Variants in KCNMB2 observed in about 807,000 individuals in gnomAD.
KCNMB2 encodes the protein calcium-activated potassium channel subunit beta-2.
A neutral mutation model predicts 24.5 loss-of-function variants in KCNMB2; 9 were observed. The observed-to-expected ratio is 0.37, with a 90% CI of 0.22 to 0.64. KCNMB2 has a LOEUF of 0.64. KCNMB2 is among the 30% of genes least tolerant of loss of function. KCNMB2 has a pLI of 0.63. For missense variants in KCNMB2, 226 were observed against 284.3 expected, an observed-to-expected ratio of 0.79 and a Z score of 1.47; for synonymous variants, 109 against 104.4, an observed-to-expected ratio of 1.04 and a Z score of -0.27.
In KCNMB2 at chr3:178,596,345, T is replaced by A. The variant is rs139666311; in HGVS notation, c.-68+59634T>A. Among the ~76,000 whole-genome samples the A allele has an allele frequency of 1.8e-3, 274 of 152,262 alleles. 2 individuals are homozygous for A. The highest frequency in any genetic ancestry group is 1.7e-3 in the South Asian group (8 of 4,822). ...TGGCCTTTGCTCATGTTATCTAAGC[T>A]GGACAACAATCATATTAGAAAGGCA... On this transcript the variant is annotated intron_variant, in intron 1 of 4. Transcript: ENST00000452583.
Position 178,742,315 on chromosome 3 carries a change from C to G in KCNMB2, c.-67-65028C>G, listed in dbSNP as rs142321441. On this transcript the variant is annotated intron_variant, in intron 1 of 4. Transcript: ENST00000452583. ...GGGCTTTGTTTAAACGTGTTCTACA[C>G]CTGCACACCTATGTCTTTGCTCTAG... 3.0e-4 allele frequency among the ~76,000 whole-genome samples: 46 copies of G among 152,310 alleles called. No individual in the cohort carries two copies. In the East Asian group the frequency reaches 7.1e-3, roughly 24 times the overall value.
At chr3:178,796,248 A>T (rs977336019) in intron 1 of KCNMB2, among the ~76,000 whole-genome samples, 4 of 152,206 alleles carry the variant, frequency 2.6e-5, no homozygotes, top group Non-Finnish European at 4.4e-5. Context: ...CCAACACTGG[A>T]GCCCCTAGAT....
chr3:178,711,986 G>A (rs978757356), intron 1 of KCNMB2, among the ~76,000 whole-genome samples: 1 of 152,172 alleles, frequency 6.6e-6, no homozygotes, highest in Admixed American at 6.5e-5. Context: ...GGCTCCCTCA[G>A]TTCCATCCTC....
chr3:178,735,170 G>T (rs1161121992), intron 1 of KCNMB2, among the ~76,000 whole-genome samples: 4 of 152,222 alleles, frequency 2.6e-5, no homozygotes, highest in African/African-American at 9.6e-5. Context: ...AAGTAAGATA[G>T]CCAGAGAGTG....
intron 1 of KCNMB2, among the ~76,000 whole-genome samples, chr3:178,752,201 T>C (rs568722357): frequency 2.4e-4 from 36 of 152,232 alleles, no homozygotes; most frequent in Non-Finnish European, 4.4e-4. Context: ...GATCTCATAA[T>C]ATAAAACAAA....
chr3:178,838,821 A>C (rs1017098736), intron 4 of KCNMB2, among the ~76,000 whole-genome samples: 6 of 152,328 alleles, frequency 3.9e-5, no homozygotes, highest in African/African-American at 1.2e-4. Context: ...GCACAGAGGT[A>C]CCAATCACAT....
At chr3:178,631,610 A>G (rs1444328940) in intron 1 of KCNMB2, among the ~76,000 whole-genome samples, 1 of 152,226 alleles carries the variant, frequency 6.6e-6, no homozygotes, top group Non-Finnish European at 1.5e-5. Context: ...CAGATGAATA[A>G]TTGTTCCTTG....
At chr3:178,661,804 A>C (rs899390714) in intron 1 of KCNMB2, among the ~76,000 whole-genome samples, 2 of 152,190 alleles carry the variant, frequency 1.3e-5, no homozygotes, top group African/African-American at 4.8e-5. Flanking sequence ...ACACACATTG[A>C]AGTGTGAGAA....
chr3:178,660,323 T>G (rs143493458), intron 1 of KCNMB2, among the ~76,000 whole-genome samples: 1 of 152,194 alleles, frequency 6.6e-6, no homozygotes, highest in East Asian at 1.9e-4. Flanking sequence ...ATTTTTATTA[T>G]TACGAATATT....
At chr3:178,654,764 C>G (rs1469217205) in intron 1 of KCNMB2, among the ~76,000 whole-genome samples, 1 of 152,138 alleles carries the variant, frequency 6.6e-6, no homozygotes, top group Admixed American at 6.6e-5. Context: ...GACATTTTGA[C>G]TAGCAAAACG....
chr3:178,726,571 G>GT (rs137863656), intron 1 of KCNMB2, among the ~76,000 whole-genome samples: 72,841 of 150,954 alleles, frequency 0.48, 17,884 homozygotes, highest in African/African-American at 0.59. Context: ...TGGTTGACAG[G>GT]TTTTTTTTCA....
chr3:178,577,031 C>G (rs1717019635), intron 1 of KCNMB2, among the ~76,000 whole-genome samples: 1 of 152,156 alleles, frequency 6.6e-6, no homozygotes, highest in South Asian at 2.1e-4. Context: ...GTCCCTGACC[C>G]CGGTGCCTCC....
At chr3:178,591,335 C>T (rs1053180084) in intron 1 of KCNMB2, among the ~76,000 whole-genome samples, 22 of 152,176 alleles carry the variant, frequency 1.4e-4, no homozygotes, top group African/African-American at 5.3e-4. Flanking sequence ...TTGCACAGAT[C>T]ACTAGGTTTT....
rs1269413251 is a variant in KCNMB2 at position 178,536,608 on chromosome 3, C to G, written c.-171C>G. The G allele has an allele frequency of 2.0e-5, 3 of 152,164 alleles. No individual in the cohort carries two copies. Among genetic ancestry groups the G allele is most frequent in the Non-Finnish European group, 4.4e-5 (3 of 68,044 alleles). 9.4% of individuals were successfully genotyped at this position (152,164 alleles called of 1,614,324 possible). The stretch of plus-strand genomic sequence containing the variant: ...TAATGGTCCACAAAGGCTTTAGGCA[C>G]AAGAGGTAATGATGATTACCGGTGG... On this transcript the variant is annotated 5_prime_UTR_variant, in exon 1 of 5. Coordinates refer to ENST00000452583, the MANE Select transcript of KCNMB2 (RefSeq NM_181361.3).
At chr3:178,624,601 T>C (rs1284155654) in intron 1 of KCNMB2, among the ~76,000 whole-genome samples, 50 of 151,558 alleles carry the variant, frequency 3.3e-4, no homozygotes, top group African/African-American at 1.0e-3. Flanking sequence ...TTTCTTTCTT[T>C]TTTTTTTTTT....
At chr3:178,601,803 T>A (rs1286307355) in intron 1 of KCNMB2, among the ~76,000 whole-genome samples, 1 of 152,006 alleles carries the variant, frequency 6.6e-6, no homozygotes, top group African/African-American at 2.4e-5. Flanking sequence ...TCAGAAAGAG[T>A]TGAAAACTAA....
chr3:178,671,991 T>C (rs1421373170), intron 1 of KCNMB2, among the ~76,000 whole-genome samples: 1 of 152,144 alleles, frequency 6.6e-6, no homozygotes, highest in African/African-American at 2.4e-5. Context: ...TCTTTTCTAG[T>C]AATAACATTC....
At chr3:178,755,133 G>A (rs1243100348) in intron 1 of KCNMB2, among the ~76,000 whole-genome samples, 2 of 152,210 alleles carry the variant, frequency 1.3e-5, no homozygotes, top group Non-Finnish European at 1.5e-5. Context: ...CGTTTCCACG[G>A]CAGGCAGTGT....
intron 1 of KCNMB2, among the ~76,000 whole-genome samples, chr3:178,581,047 C>A (rs116485091): frequency 0.054 from 8,180 of 152,206 alleles, 318 homozygotes; most frequent in East Asian, 0.13. Context: ...CAAAAAAGAG[C>A]CCGTATAGCC....
Sources: allele counts gnomAD v4.1 joint callset (sites outside exome capture counted in the v4.1 genomes callset), GRCh38; gene constraint gnomAD v4.1.1; transcripts MANE v1.5; gene names NCBI Gene and HGNC (gene_info 2026-07-23, HGNC 2026-07-21).